Variants in DLGAP2 observed in about 807,000 individuals in gnomAD.
DLGAP2 encodes the protein disks large-associated protein 2.
In DLGAP2, 26 loss-of-function variants were observed where a neutral mutation model predicts 100.3. That is an observed-to-expected ratio of 0.26 (90% CI 0.19 to 0.36). The LOEUF is 0.36. Ranked by LOEUF, DLGAP2 falls within the 10% of genes least tolerant of loss-of-function variation. DLGAP2 has a pLI of 1.00. For synonymous variants in DLGAP2, 886 were observed against 630.1 expected (o/e 1.41, Z -6.08); for missense variants, 1,858 against 1,453.2 (o/e 1.28, Z -4.53).
intron 2 of DLGAP2, among the ~76,000 whole-genome samples, chr8:1,031,507 G>A (rs1801971633): frequency 6.6e-6 from 1 of 152,034 alleles, no homozygotes; most frequent in Non-Finnish European, 1.5e-5. Context: ...AACCTCCCGG[G>A]CTCAAGTGAT....
At chr8:1,057,626 G>C (rs1209289099) in intron 2 of DLGAP2, among the ~76,000 whole-genome samples, 1 of 152,292 alleles carries the variant, frequency 6.6e-6, no homozygotes, top group Admixed American at 6.5e-5. Context: ...AGTCTTTCTG[G>C]AGAATGTAAG....
chr8:1,002,730 C>T (rs925453128), intron 2 of DLGAP2: 2 of 152,252 alleles, frequency 1.3e-5, no homozygotes, highest in African/African-American at 2.4e-5. Context: ...ACTGAGAAGT[C>T]GTGGATGATA....
intron 1 of DLGAP2, among the ~76,000 whole-genome samples, chr8:792,577 G>A (rs773210121): frequency 5.5e-4 from 84 of 152,268 alleles, no homozygotes; most frequent in Non-Finnish European, 1.0e-3. Flanking sequence ...TTACAGGAAC[G>A]TGAAGTAGAA....
At chr8:1,587,569 A>T (rs997031939) in intron 6 of DLGAP2, among the ~76,000 whole-genome samples, 2 of 152,226 alleles carry the variant, frequency 1.3e-5, no homozygotes, top group Non-Finnish European at 2.9e-5. Flanking sequence ...ACATATATTG[A>T]TAGATGATGC....
At chr8:1,520,625 C>G (rs1388456342) in intron 4 of DLGAP2, among the ~76,000 whole-genome samples, 1 of 152,174 alleles carries the variant, frequency 6.6e-6, no homozygotes, top group African/African-American at 2.4e-5. Flanking sequence ...AACACTGACT[C>G]TTTCGCTACC....
At chr8:927,725 C>A (rs112262898) in intron 2 of DLGAP2, among the ~76,000 whole-genome samples, 1 of 151,976 alleles carries the variant, frequency 6.6e-6, no homozygotes, top group Non-Finnish European at 1.5e-5. Context: ...ATGTATGGAG[C>A]AGGAAGGAGA....
intron 6 of DLGAP2, among the ~76,000 whole-genome samples, chr8:1,602,339 C>G (rs1205643945): frequency 6.6e-6 from 1 of 152,184 alleles, no homozygotes; most frequent in Non-Finnish European, 1.5e-5. Flanking sequence ...GAATCGATGT[C>G]ACTGAAATGG....
chr8:1,589,640 G>A (rs562702553), intron 6 of DLGAP2, among the ~76,000 whole-genome samples: 3 of 152,128 alleles, frequency 2.0e-5, no homozygotes, highest in Non-Finnish European at 4.4e-5. Flanking sequence ...TAGAGATGGG[G>A]TTTCATCACG....
intron 2 of DLGAP2, among the ~76,000 whole-genome samples, chr8:1,213,927 C>T (rs533389089): frequency 3.9e-5 from 6 of 152,296 alleles, no homozygotes; most frequent in African/African-American, 1.2e-4. Context: ...GTTCCTTTTC[C>T]ACAGTGAGCT....
chr8:1,418,467 C>T (rs932349494), intron 3 of DLGAP2, among the ~76,000 whole-genome samples: 4 of 152,126 alleles, frequency 2.6e-5, no homozygotes, highest in African/African-American at 9.7e-5. Context: ...TTATAGCCAT[C>T]GTTAACTTCT....
rs554304766 is a variant in DLGAP2 at position 1,639,786 on chromosome 8, G to A, written c.1810+6740G>A. Among the ~76,000 whole-genome samples, 22 of 152,292 alleles carry A rather than the reference G, an allele frequency of 1.4e-4. No individual in the cohort carries two copies. In the East Asian group the frequency reaches 3.1e-3, roughly 21 times the overall value. Reference sequence around the variant, plus strand: ...CCTCAAGCTTCTGGAGTTCTCTGCCGTCCTTGGCTGCGGGCCACATGGCTC... The same window carrying A: ...CCTCAAGCTTCTGGAGTTCTCTGCCATCCTTGGCTGCGGGCCACATGGCTC... On this transcript the variant is annotated intron_variant, in intron 8 of 14. Coordinates refer to ENST00000637795, the MANE Select transcript of DLGAP2 (RefSeq NM_001346810.2).
chr8:1,156,387 C>A (rs921015379), intron 2 of DLGAP2, among the ~76,000 whole-genome samples: 1 of 152,176 alleles, frequency 6.6e-6, no homozygotes, highest in African/African-American at 2.4e-5. Flanking sequence ...ACTCTGGACG[C>A]CCCTGGGTCT....
chr8:764,299 A>C (rs1261478439), intron 1 of DLGAP2, among the ~76,000 whole-genome samples: 1 of 152,186 alleles, frequency 6.6e-6, no homozygotes, highest in Non-Finnish European at 1.5e-5. Flanking sequence ...TCAAGTTTCC[A>C]TCTAGAGAAA....
chr8:1,139,303 G>A lies in DLGAP2; in HGVS notation c.74-119548G>A, dbSNP rs947321487. Among the ~76,000 whole-genome samples, 7 of 152,368 alleles carry A rather than the reference G, an allele frequency of 4.6e-5. No individual in the cohort carries two copies. The East Asian group carries it at 1.4e-3, about 29-fold the overall frequency. On this transcript the variant is annotated intron_variant, in intron 2 of 14. Transcript: ENST00000637795. ...TTACAAAATCAGGTCAGTAAGCACT[G>A]TCTCAGCTGAGGCTGCAGGGATGCA...
intron 1 of DLGAP2, among the ~76,000 whole-genome samples, chr8:771,726 C>A (rs1821366288): frequency 6.6e-6 from 1 of 152,224 alleles, no homozygotes; most frequent in African/African-American, 2.4e-5. Flanking sequence ...TATTTATCCT[C>A]AGAAGCTCCT....
intron 3 of DLGAP2, 112 bp downstream of exon 3, chr8:1,258,995 C>T (rs749763979): frequency 4.4e-5 from 41 of 928,024 alleles, no homozygotes; most frequent in South Asian, 5.5e-5. Context: ...ACATTGAGGA[C>T]GCAGTCTGTG....
In DLGAP2 at chr8:1,706,174, G is replaced by T. The variant is rs1234050722; in HGVS notation, c.*4768G>T. ...GGTGGCAGCAGAATGTTCTGGAAAT[G>T]AAGGAGATATTGCTAGGAATCTCTA... On this transcript the variant is annotated 3_prime_UTR_variant, in exon 15 of 15. Transcript: ENST00000637795. The T allele has an allele frequency of 1.3e-5, 2 of 152,256 alleles. No individual in the cohort carries two copies. Among genetic ancestry groups the T allele is most frequent in the African/African-American group, 2.4e-5 (1 of 41,466 alleles). 9.4% of individuals were successfully genotyped at this position (152,256 alleles called of 1,614,324 possible).
At chr8:1,105,857 G>T (rs1209303100) in intron 2 of DLGAP2, among the ~76,000 whole-genome samples, 2 of 151,026 alleles carry the variant, frequency 1.3e-5, no homozygotes, top group East Asian at 3.9e-4. Context: ...TCTACTGAGG[G>T]GGACCATTCT....
chr8:1,172,473 G>C (rs955188550), intron 2 of DLGAP2, among the ~76,000 whole-genome samples: 2 of 152,192 alleles, frequency 1.3e-5, no homozygotes, highest in African/African-American at 4.8e-5. Context: ...ATATCCTGCA[G>C]AGTGTTTTCC....
Sources: gnomAD v4.1 joint callset for allele counts (sites outside exome capture counted in the v4.1 genomes callset) on GRCh38, gnomAD v4.1.1 for gene constraint, MANE v1.5 for transcripts, NCBI Gene and HGNC (gene_info 2026-07-23, HGNC 2026-07-21) for gene names.